Variants in COL20A1 observed in about 807,000 individuals in gnomAD.
The protein encoded by COL20A1 is collagen type XX alpha 1 chain.
Under a neutral mutation model 152.9 loss-of-function variants are expected in COL20A1, and 164 were observed. The observed-to-expected ratio is 1.07, with a 90% CI of 0.94 to 1.22. The LOEUF is 1.22. COL20A1 is among the 50% of genes most tolerant of loss of function. The probability of loss-of-function intolerance (pLI) is 0.00; values close to 1 mark genes in which losing one functional copy is unlikely to be tolerated. For synonymous variants in COL20A1, 864 were observed against 756.0 expected, an observed-to-expected ratio of 1.14 and a Z score of -2.34; for missense variants, 1,873 against 1,744.8, an observed-to-expected ratio of 1.07 and a Z score of -1.31.
At position 63,314,824 on chromosome 20, in the gene COL20A1, C is replaced by T. The variant is rs562194032; in HGVS notation, c.2489-580C>T. ...CCCTGGCCCCCAGGACACGCGTGCC[C>T]CCAGCCTGCCCGCACACCAGGCATC... On this transcript the variant is annotated intron_variant, in intron 19 of 35. Coordinates refer to ENST00000358894, the MANE Select transcript of COL20A1 (RefSeq NM_020882.4). 8.2e-5 allele frequency among the ~76,000 whole-genome samples: 11 copies of T among 134,398 alleles called. No homozygotes were observed. The East Asian group carries it at 2.2e-3, about 27-fold the overall frequency. 88.2% of individuals were successfully genotyped at this position (134,398 alleles called of 152,430 possible). A position where few individuals can be genotyped will look rare whatever the true frequency, so the allele number is the denominator to read the frequency against.
intron 7 of COL20A1, 129 bp from the exon 8 acceptor site, chr20:63,308,400 CCTGCTCCCTTGGG>C: frequency 1.2e-6 from 1 of 865,586 alleles, no homozygotes; most frequent in Non-Finnish European, 1.7e-6. Context: ...GTAGACCCTC[CCTGCTCCCTTGGG>C]CTGCTGCGGG....
Position 63,314,087 on chromosome 20 carries a change from G to T in COL20A1, c.2374G>T (p.Ala792Ser). The change falls in exon 19 of 36, where the codon GCC (alanine) becomes TCC (serine). Residue 792 changes from alanine (A) to serine (S), a missense_variant. Transcript: ENST00000358894. Reference protein sequence around the residue: ...GPEKSVSVPGARSHVTLPDLQ... With the variant: ...GPEKSVSVPGSRSHVTLPDLQ... The stretch of plus-strand genomic sequence containing the variant: ...CTTCTCCTAGGTCTCTGTGCCAGGA[G>T]CCAGGAGCCACGTGACACTGCCCGA... The T allele has an allele frequency of 1.2e-6, 2 of 1,612,712 alleles. No homozygotes were observed. Among genetic ancestry groups the T allele is most frequent in the Middle Eastern group, 1.7e-4 (1 of 6,044 alleles).
At chr20:63,304,889 T>G (rs1032836077) in intron 3 of COL20A1, among the ~76,000 whole-genome samples, 1 of 152,262 alleles carries the variant, frequency 6.6e-6, no homozygotes, top group African/African-American at 2.4e-5. Context: ...CTCTTTCCTC[T>G]GAGAATATGG....
chr20:63,326,430 G>C (rs1039510448), intron 30 of COL20A1, among the ~76,000 whole-genome samples: 7 of 152,290 alleles, frequency 4.6e-5, no homozygotes, highest in African/African-American at 1.7e-4. Flanking sequence ...CTGAGTGCTG[G>C]GCAGGCCAGG....
chr20:63,327,875 T>C (rs4809536), intron 31 of COL20A1, 77 bp from the exon 32 acceptor site: 88,936 of 1,449,982 alleles, frequency 0.061, 3,503 homozygotes, highest in African/African-American at 0.16. Context: ...AGGATCCACC[T>C]CAGGGCCATC....
rs1365768538 is a variant in COL20A1, at chr20:63,298,005, G to A, written c.178G>A (p.Val60Met). 1.9e-6 allele frequency: 3 copies of A among 1,611,310 alleles called. No individual in the cohort carries two copies. Among genetic ancestry groups the A allele is most frequent in the Non-Finnish European group, 2.5e-6 (3 of 1,179,312 alleles). Reference protein sequence around the residue: ...EGSGLGYLVQVKPMAGDSEQE... With the variant: ...EGSGLGYLVQMKPMAGDSEQE... ...GAGCGGCCTCGGCTACCTGGTGCAG[G>A]TGAAGCCCATGGCAGGTGAGGACCT... The change falls in exon 3 of 36, where the codon GTG becomes ATG. Residue 60 changes from valine to methionine, a missense_variant. Transcript: ENST00000358894.
chr20:63,307,662 C>A lies in COL20A1; in HGVS notation c.655+14C>A. ...AGGTCCAAGTAGGTGGGTGCTGGCC[C>A]GGCCCGCCTCCTGCCCCACCCGGGT... On this transcript the variant is annotated intron_variant, in intron 6 of 35. Transcript: ENST00000358894. The A allele has an allele frequency of 6.2e-7, 1 of 1,606,534 alleles. No individual in the cohort carries two copies. The highest frequency in any genetic ancestry group is 1.1e-5 in the South Asian group (1 of 90,606).
Position 63,306,593 on chromosome 20 carries a change from G to A in COL20A1, c.496+554G>A, listed in dbSNP as rs1043261178. ...CCTGGAGGGAGGGCCCTGCCCAGCCGGCCCCAGGCGTGGAGAGGTAGAGCC... is the reference window on the plus strand; with the variant it reads ...CCTGGAGGGAGGGCCCTGCCCAGCCAGCCCCAGGCGTGGAGAGGTAGAGCC... On this transcript the variant is annotated intron_variant, in intron 5 of 35. Transcript: ENST00000358894. The surrounding 1 kb of genome is among the most constrained non-coding windows in gnomAD (Gnocchi z 6.9). 1.3e-5 allele frequency among the ~76,000 whole-genome samples: 2 copies of A among 150,696 alleles called. No homozygotes were observed. Among genetic ancestry groups the A allele is most frequent in the Non-Finnish European group, 2.9e-5 (2 of 68,006 alleles).
chr20:63,315,530 C>T, intron 20 of COL20A1, 91 bp downstream of exon 20: 1 of 1,178,724 alleles, frequency 8.5e-7, no homozygotes, highest in South Asian at 1.5e-5. Context: ...GACCTGGGAC[C>T]CAGTGGTGGT....
In COL20A1 at chr20:63,306,028, C is replaced by T. The variant is rs756337542; in HGVS notation, c.485C>T (p.Pro162Leu). 13 of 1,610,730 alleles carry T rather than the reference C, an allele frequency of 8.1e-6. No individual in the cohort carries two copies. Among genetic ancestry groups the T allele is most frequent in the Admixed American group, 5.0e-5 (3 of 59,692 alleles). ...PQVAFTPSQD[P>L]RTPAGPQFRC... ...GTTGCCTTCACACCAAGCCAGGATC[C>T]GCGCACTCCTGGTGGGTCAGAGTGG... Residue 162 changes from proline (P) to leucine (L), a missense_variant, in exon 5 of 36, where the codon CCG (proline) becomes CTG (leucine). Coordinates refer to ENST00000358894, the MANE Select transcript of COL20A1 (RefSeq NM_020882.4). The surrounding 1 kb of genome is among the most constrained non-coding windows in gnomAD (Gnocchi z 6.9).
chr20:63,320,117 A>G lies in COL20A1; in HGVS notation c.2995A>G (p.Met999Val). 1 of 1,550,842 alleles carries G rather than the reference A, an allele frequency of 6.4e-7. No individual in the cohort carries two copies. Among genetic ancestry groups the G allele is most frequent in the Non-Finnish European group, 8.7e-7 (1 of 1,147,840 alleles). Residue 999 changes from methionine to valine, a missense_variant, in exon 24 of 36, where the codon ATG becomes GTG. Physicochemically the swap from Met to Val is conservative, Grantham distance 21. Coordinates refer to ENST00000358894, the MANE Select transcript of COL20A1 (RefSeq NM_020882.4). ...GGTGGCTGAGCGGCCCCTTGGGGAG[A>G]TGGGCAGCCCACCCGCTGCGGGCTT... ...RKVAERPLGEMGSPPAAGFVT... is the reference protein window; with the variant it reads ...RKVAERPLGEVGSPPAAGFVT...
chr20:63,299,666 CT>C (rs752135868), intron 3 of COL20A1, among the ~76,000 whole-genome samples: 2 of 152,268 alleles, frequency 1.3e-5, no homozygotes, highest in African/African-American at 4.8e-5. Context: ...AGGTTCAGTC[CT>C]GTGCTGTTCC....
Position 63,326,832 on chromosome 20 carries a change from A to G in COL20A1, c.3528+9A>G, listed in dbSNP as rs1216406035. 2.7e-6 allele frequency: 4 copies of G among 1,494,068 alleles called. No individual in the cohort carries two copies. Among genetic ancestry groups the G allele is most frequent in the Non-Finnish European group, 3.5e-6 (4 of 1,132,630 alleles). 92.6% of individuals were successfully genotyped at this position (1,494,068 alleles called of 1,614,324 possible). A position where few individuals can be genotyped will look rare whatever the true frequency, so the allele number is the denominator to read the frequency against. ...GGACCGTGGGGCCCACAGTAAGTGC[A>G]TTTCCAACACCCACCAGCCAACCAA... is the stretch of plus-strand genomic sequence containing the variant. On this transcript the variant is annotated intron_variant, in intron 31 of 35. Coordinates refer to ENST00000358894, the MANE Select transcript of COL20A1 (RefSeq NM_020882.4).
intron 3 of COL20A1, among the ~76,000 whole-genome samples, chr20:63,303,046 T>G (rs2067879451): frequency 6.6e-6 from 1 of 152,240 alleles, no homozygotes; most frequent in Non-Finnish European, 1.5e-5. Flanking sequence ...GATTATTCCC[T>G]GATGCCATCA....
intron 21 of COL20A1, 73 bp downstream of exon 21, chr20:63,316,764 G>C (rs1337928866): frequency 7.1e-7 from 1 of 1,400,984 alleles, no homozygotes; most frequent in Non-Finnish European, 9.4e-7. Flanking sequence ...GACATGGTGG[G>C]GGGGCGGGCA....
In COL20A1 at chr20:63,312,561, G is replaced by C. The variant is rs777090580; in HGVS notation, c.1933+12G>C. The C allele has an allele frequency of 6.4e-7, 1 of 1,562,066 alleles. No individual in the cohort carries two copies. The highest frequency in any genetic ancestry group is 8.6e-7 in the Non-Finnish European group (1 of 1,160,080). On this transcript the variant is annotated intron_variant, in intron 15 of 35. Coordinates refer to ENST00000358894, the MANE Select transcript of COL20A1 (RefSeq NM_020882.4). ...CCGGGTGACCACCAGTGAGTGGGGAGAGGCTGGGGCTGGGGGTCCAGCAGG... is the reference window on the plus strand; with the variant it reads ...CCGGGTGACCACCAGTGAGTGGGGACAGGCTGGGGCTGGGGGTCCAGCAGG...
In COL20A1 at chr20:63,321,005, T is replaced by C. The variant is rs2123424433; in HGVS notation, c.3154-8T>C. 6.4e-7 allele frequency: 1 copy of C among 1,564,294 alleles called. No homozygotes were observed. ...TCTCTCTAATGGGCAGGGTCTCTCTTCTTCCAGAGGGATGGAGAGACCTGC... is the reference window on the plus strand; with the variant it reads ...TCTCTCTAATGGGCAGGGTCTCTCTCCTTCCAGAGGGATGGAGAGACCTGC... On this transcript the variant is annotated splice_region_variant and splice_polypyrimidine_tract_variant and intron_variant, in intron 25 of 35. Coordinates refer to ENST00000358894, the MANE Select transcript of COL20A1 (RefSeq NM_020882.4).
rs1396146065 is a variant in COL20A1 at position 63,311,701 on chromosome 20, TGCGAGGCCCTGAGGGCA to T, written c.1626_1642del (p.Glu543GlyfsTer180). ...GACTATGAGGTCTCGGTGCAGAGCC[TGCGAGGCCCTGAGGGCA>T]GCGAGGCCCGGGGCATCCGTGCCAG... On this transcript the variant is annotated frameshift_variant, in exon 13 of 36. Coordinates refer to ENST00000358894, the MANE Select transcript of COL20A1 (RefSeq NM_020882.4). LOFTEE classifies it high-confidence loss of function. This position sits in a 1 kb window ranked among gnomAD's most constrained non-coding sequence, Gnocchi z 4.4. 4.4e-6 allele frequency: 7 copies of T among 1,604,468 alleles called. 1 individual carries two copies. The Admixed American group carries it at 1.0e-4, about 23-fold the overall frequency.
intron 3 of COL20A1, among the ~76,000 whole-genome samples, chr20:63,301,032 T>C (rs1165345741): frequency 3.9e-5 from 6 of 152,206 alleles, no homozygotes; most frequent in African/African-American, 1.2e-4. Context: ...AGTACCTTGC[T>C]GGCCGGGCGT....
Sources: gnomAD v4.1 joint callset for allele counts (sites outside exome capture counted in the v4.1 genomes callset) on GRCh38, gnomAD v4.1.1 for gene constraint, Gnocchi (gnomAD v3.1) non-coding constraint, MANE v1.5 for transcripts, NCBI Gene and HGNC (gene_info 2026-07-23, HGNC 2026-07-21) for gene names.